The following KANSL1L variants were observed in gnomAD, a reference collection of about 807,000 sequenced individuals.
The protein encoded by KANSL1L is KAT8 regulatory NSL complex subunit 1 like.
A neutral mutation model predicts 108.6 loss-of-function variants in KANSL1L; 25 were observed. The ratio of observed to expected loss-of-function variants is 0.23; its 90% CI spans 0.17 to 0.32. KANSL1L has a LOEUF of 0.32. Among genes scored for constraint, KANSL1L ranks in the 10% least tolerant of loss-of-function variants. KANSL1L has a pLI of 1.00. For missense variants in KANSL1L, 1,137 were observed against 1,125.7 expected, an observed-to-expected ratio of 1.01 and a Z score of -0.14; for synonymous variants, 405 against 395.1, an observed-to-expected ratio of 1.03 and a Z score of -0.30.
At chr2:210,079,670 G>A (rs1405942807) in intron 5 of KANSL1L, 221 of 16,526 alleles carry the variant, frequency 0.013, 9 homozygotes, top group African/African-American at 0.047. Context: ...ATATATGTAT[G>A]TGTGTATATA....
intron 3 of KANSL1L, among the ~76,000 whole-genome samples, chr2:210,111,437 C>A (rs1227024645): frequency 1.3e-5 from 2 of 152,046 alleles, no homozygotes; most frequent in East Asian, 3.8e-4. Context: ...AAAGGCAAAA[C>A]TATAGCAATA....
At chr2:210,144,206 G>A (rs1372119164) in intron 2 of KANSL1L, among the ~76,000 whole-genome samples, 3 of 152,082 alleles carry the variant, frequency 2.0e-5, no homozygotes, top group African/African-American at 7.2e-5. Flanking sequence ...CTTCCTGAGG[G>A]TTCCCTTGTA....
chr2:210,084,653 C>T (rs1235052904), intron 5 of KANSL1L, among the ~76,000 whole-genome samples: 1 of 151,542 alleles, frequency 6.6e-6, no homozygotes, highest in Non-Finnish European at 1.5e-5. Context: ...CTCACTTTGT[C>T]GCCAGGCTGG....
At chr2:210,071,955 C>T (rs2094510831) in intron 6 of KANSL1L, among the ~76,000 whole-genome samples, 1 of 152,144 alleles carries the variant, frequency 6.6e-6, no homozygotes, top group Non-Finnish European at 1.5e-5. Context: ...CCATTTTACC[C>T]TTAATATTTC....
At chr2:210,169,022 G>C (rs1688165689) in intron 1 of KANSL1L, among the ~76,000 whole-genome samples, 1 of 152,022 alleles carries the variant, frequency 6.6e-6, no homozygotes, top group Non-Finnish European at 1.5e-5. Flanking sequence ...ATTAAAGCAA[G>C]GTTTTTAGTT....
chr2:210,160,143 C>A (rs2095354313), intron 1 of KANSL1L, among the ~76,000 whole-genome samples: 1 of 152,208 alleles, frequency 6.6e-6, no homozygotes. Context: ...AATATCCATT[C>A]ATGAGAAAAA....
intron 2 of KANSL1L, among the ~76,000 whole-genome samples, chr2:210,151,067 G>C (rs1254144884): frequency 6.6e-6 from 1 of 152,144 alleles, no homozygotes; most frequent in Non-Finnish European, 1.5e-5. Flanking sequence ...ACAGACTGGA[G>C]TGCAAGGGGG....
At chr2:210,109,359 G>A (rs1213300958) in intron 3 of KANSL1L, among the ~76,000 whole-genome samples, 2 of 152,052 alleles carry the variant, frequency 1.3e-5, no homozygotes, top group African/African-American at 4.8e-5. Context: ...CATGGTTCAA[G>A]GACTCTGATC....
At chr2:210,041,458 CAG>C (rs1032699350) in intron 7 of KANSL1L, among the ~76,000 whole-genome samples, 1 of 152,138 alleles carries the variant, frequency 6.6e-6, no homozygotes, top group African/African-American at 2.4e-5. Context: ...ATTCTTGAGA[CAG>C]GGACTGGCTC....
chr2:210,030,007 T>C (rs949622479), intron 9 of KANSL1L, 89 bp from the exon 10 acceptor site: 1 of 574,194 alleles, frequency 1.7e-6, no homozygotes, highest in African/African-American at 1.9e-5. Flanking sequence ...AGGTGATTGA[T>C]TCCTTGTTTT....
intron 4 of KANSL1L, among the ~76,000 whole-genome samples, chr2:210,100,581 A>G (rs534256022): frequency 6.6e-6 from 1 of 152,330 alleles, no homozygotes; most frequent in South Asian, 2.1e-4. Context: ...AAAACCATGC[A>G]TAATAATGGG....
At chr2:210,161,375 A>AG (rs200241378) in intron 1 of KANSL1L, among the ~76,000 whole-genome samples, 3,542 of 152,214 alleles carry the variant, frequency 0.023, 59 homozygotes, top group Non-Finnish European at 0.036. Flanking sequence ...GGACATCCAT[A>AG]GGGAAAAAAA....
intron 11 of KANSL1L, 113 bp downstream of exon 11, chr2:210,028,732 A>G (rs1348912548): frequency 6.5e-6 from 5 of 764,406 alleles, no homozygotes; most frequent in Non-Finnish European, 1.0e-5. Flanking sequence ...CTCCATGGCT[A>G]TGAAGGAACT....
intron 1 of KANSL1L, chr2:210,170,740 T>C (rs1575661844): frequency 6.6e-6 from 1 of 152,256 alleles, no homozygotes; most frequent in East Asian, 1.9e-4. Context: ...ACACCCCCAA[T>C]GGGTGAGGCT....
At chr2:210,089,523 A>C (rs1487217305) in intron 5 of KANSL1L, among the ~76,000 whole-genome samples, 2 of 152,214 alleles carry the variant, frequency 1.3e-5, no homozygotes, top group African/African-American at 4.8e-5. Flanking sequence ...CGTTCCATTA[A>C]ATTTAAAATA....
At position 210,158,565 on chromosome 2, in the gene KANSL1L, C is replaced by T. The variant is rs116714028; in HGVS notation, c.-29-3954G>A. On this transcript the variant is annotated intron_variant, in intron 1 of 14. Coordinates refer to ENST00000281772, the MANE Select transcript of KANSL1L (RefSeq NM_152519.4). ...CACTAAATTTGGGGGTAATATACTA[C>T]ACAGTAATAAATAATGAATACACTT... Among the ~76,000 whole-genome samples the T allele has an allele frequency of 9.3e-3, 1,421 of 152,164 alleles. 20 individuals carry two copies. The highest frequency in any genetic ancestry group is 0.029 in the African/African-American group (1,218 of 41,520).
At position 210,103,706 on chromosome 2, in the gene KANSL1L, T is replaced by C. The variant is rs2094818346; in HGVS notation, c.1428+398A>G. 2.0e-5 allele frequency among the ~76,000 whole-genome samples: 3 copies of C among 152,134 alleles called. No individual in the cohort carries two copies. In the East Asian group the frequency reaches 5.8e-4, roughly 29 times the overall value. On this transcript the variant is annotated intron_variant, in intron 4 of 14. Transcript: ENST00000281772. The stretch of plus-strand genomic sequence containing the variant: ...TCATTTTTTATGAACAAATCCATAT[T>C]CCAATATTATCTTTCACTAAAAATC...
At chr2:210,170,054 G>A (rs985356217) in intron 1 of KANSL1L, among the ~76,000 whole-genome samples, 4 of 152,154 alleles carry the variant, frequency 2.6e-5, no homozygotes, top group South Asian at 2.1e-4. Flanking sequence ...TTAAGAACGG[G>A]AAAGGCAGAG....
intron 6 of KANSL1L, among the ~76,000 whole-genome samples, chr2:210,048,900 C>T (rs977903230): frequency 6.6e-6 from 1 of 152,068 alleles, no homozygotes; most frequent in Admixed American, 6.5e-5. Context: ...ATCTTCAAAA[C>T]AAAAACAAAA....
Sources: gnomAD v4.1 joint callset for allele counts (sites outside exome capture counted in the v4.1 genomes callset) on GRCh38, gnomAD v4.1.1 for gene constraint, MANE v1.5 for transcripts, NCBI Gene and HGNC (gene_info 2026-07-23, HGNC 2026-07-21) for gene names.